INTS6: variants seen among roughly 807,000 people sequenced by gnomAD.
INTS6 encodes DEAD box protein.
INTS6 carries 16 observed loss-of-function variants against 104.9 expected under a neutral mutation model. The observed-to-expected ratio is 0.15, with a 90% CI of 0.10 to 0.23. The LOEUF is 0.23. Among genes scored for constraint, INTS6 ranks in the 10% least tolerant of loss-of-function variants. The pLI is 1.00. For synonymous variants in INTS6, 324 were observed against 358.7 expected (o/e 0.90, Z 1.09); for missense variants, 584 against 1,062.8 (o/e 0.55, Z 6.26).
Position 51,367,873 on chromosome 13 carries a change from C to T in INTS6, c.2502G>A (p.Leu834=), listed in dbSNP as rs752372643. ...GRKYERIFTL[L]KHVQGSLQTR... ...TTTGTAAACTGCCTTGCACATGCTT[C>T]AGTAAAGTGAAGATTCTTTCATATT... is the stretch of plus-strand genomic sequence containing the variant. The change falls in exon 17 of 18, where the codon CTG becomes CTA. Residue 834 remains leucine (L), a synonymous_variant. Transcript: ENST00000311234. 2.5e-6 allele frequency: 4 copies of T among 1,582,762 alleles called. No individual in the cohort carries two copies. The highest frequency in any genetic ancestry group is 3.4e-6 in the Non-Finnish European group (4 of 1,167,520).
intron 10 of INTS6, among the ~76,000 whole-genome samples, chr13:51,379,804 A>G (rs1199512639): frequency 1.3e-5 from 2 of 152,106 alleles, no homozygotes; most frequent in African/African-American, 4.8e-5. Context: ...GACAAGAAGG[A>G]TAAGATACTG....
chr13:51,438,281 A>C (rs978630529), intron 3 of INTS6: 5 of 152,146 alleles, frequency 3.3e-5, no homozygotes, highest in African/African-American at 1.2e-4. Context: ...ATAGATTTAA[A>C]ATTTTCAAAG....
the INTS6 span, chr13:51,340,976 C>G: frequency 8.1e-7 from 1 of 1,241,088 alleles, no homozygotes; most frequent in Non-Finnish European, 1.1e-6. Context: ...GTCCCTAGCC[C>G]CTAAAAACAG....
chr13:51,414,869 C>CACACACACACACAG (rs139817301), intron 4 of INTS6, among the ~76,000 whole-genome samples: 1 of 150,590 alleles, frequency 6.6e-6, no homozygotes, highest in African/African-American at 2.4e-5. Flanking sequence ...CACACACACA[C>CACACACACACACAG]AGTTCTAAGA....
chr13:51,335,197 A>G, the INTS6 span, among the ~76,000 whole-genome samples: 2 of 152,272 alleles, frequency 1.3e-5, no homozygotes, highest in Admixed American at 1.3e-4. Flanking sequence ...TCAACAAAAG[A>G]CATCATGAAG....
intron 4 of INTS6, among the ~76,000 whole-genome samples, chr13:51,400,779 A>G (rs2137988493): frequency 6.6e-6 from 1 of 152,302 alleles, no homozygotes; most frequent in Middle Eastern, 3.4e-3. Context: ...ATGACTATAA[A>G]TCAAATTTGC....
rs766915999 is a variant in INTS6 at position 51,451,960 on chromosome 13, G to C, written c.189+18C>G. 6.3e-7 allele frequency: 1 copy of C among 1,589,268 alleles called. No homozygotes were observed. On this transcript the variant is annotated intron_variant, in intron 2 of 17. Transcript: ENST00000311234. ...CAGGGAAGGGAAGGGAGGAAAGGGG[G>C]AGGGCGAGGGCTGTTACCTTGATAG... is the stretch of plus-strand genomic sequence containing the variant.
At chr13:51,377,791 T>C (rs1203187315) in intron 12 of INTS6, among the ~76,000 whole-genome samples, 1 of 152,102 alleles carries the variant, frequency 6.6e-6, no homozygotes, top group Admixed American at 6.5e-5. Context: ...TTTTGGCTAT[T>C]CCAGGACCTT....
chr13:51,448,937 A>C (rs1952979523), intron 3 of INTS6: 1 of 152,354 alleles, frequency 6.6e-6, no homozygotes, highest in South Asian at 2.1e-4. Flanking sequence ...ACTTTTACAA[A>C]GAAGAAAACA....
At position 51,389,461 on chromosome 13, in the gene INTS6, G is replaced by A. The variant is rs773745687; in HGVS notation, c.614-17C>T. 5.2e-6 allele frequency: 7 copies of A among 1,341,910 alleles called. No individual in the cohort carries two copies. Among genetic ancestry groups the A allele is most frequent in the South Asian group, 1.5e-5 (1 of 66,018 alleles). 83.1% of individuals were successfully genotyped at this position (1,341,910 alleles called of 1,614,324 possible). A position where few individuals can be genotyped will look rare whatever the true frequency, so the allele number is the denominator to read the frequency against. The stretch of plus-strand genomic sequence containing the variant: ...ATGAACGGCCTGAGATTAAAAAAAA[G>A]AAGAAGAAGAAGAAGAAGAATATAG... On this transcript the variant is annotated splice_polypyrimidine_tract_variant and intron_variant, in intron 5 of 17. Coordinates refer to ENST00000311234, the MANE Select transcript of INTS6 (RefSeq NM_012141.3).
intron 3 of INTS6, among the ~76,000 whole-genome samples, chr13:51,434,151 T>C (rs1249469712): frequency 6.6e-6 from 1 of 152,194 alleles, no homozygotes; most frequent in Non-Finnish European, 1.5e-5. Context: ...TTGTTTTTAA[T>C]ATATCCTTTC....
chr13:51,376,062 T>G lies in INTS6; in HGVS notation c.1715A>C (p.Lys572Thr). Residue 572 changes from lysine to threonine, a missense_variant, in exon 13 of 18, where the codon AAA (lysine) becomes ACA (threonine). This residue lies in a region of INTS6 where 296 missense variants were observed against 437.0 expected (regional missense o/e 0.68). Coordinates refer to ENST00000311234, the MANE Select transcript of INTS6 (RefSeq NM_012141.3). ...NLLKSTRRFL[K>T]GQDEDQVHSV... ...TATGTTCTAACCTTCGTCCTGTCCT[T>G]TCAGAAATCTGCGAGTGCTCTTCAA... is the stretch of plus-strand genomic sequence containing the variant. The G allele has an allele frequency of 6.2e-7, 1 of 1,609,578 alleles. No homozygotes were observed. Among genetic ancestry groups the G allele is most frequent in the Non-Finnish European group, 8.5e-7 (1 of 1,178,704 alleles).
chr13:51,426,416 C>A (rs1438062545), intron 4 of INTS6, among the ~76,000 whole-genome samples: 1 of 151,998 alleles, frequency 6.6e-6, no homozygotes, highest in East Asian at 1.9e-4. Context: ...TTCACAGATA[C>A]AAGGTAGGAG....
In INTS6 at chr13:51,363,250, C is replaced by T. The variant is rs1057032072; in HGVS notation, c.*2502G>A. The T allele has an allele frequency of 3.3e-5, 5 of 151,926 alleles. No homozygotes were observed. The highest frequency in any genetic ancestry group is 7.2e-5 in the African/African-American group (3 of 41,382). 9.4% of individuals were successfully genotyped at this position (151,926 alleles called of 1,614,324 possible). On this transcript the variant is annotated 3_prime_UTR_variant, in exon 18 of 18. Coordinates refer to ENST00000311234, the MANE Select transcript of INTS6 (RefSeq NM_012141.3). Reference sequence around the variant, plus strand: ...ATTTCAATGGTAGGAGTTTTCAGAACTGCCTCAGTAATCAGAATGAAAATA... The same window carrying T: ...ATTTCAATGGTAGGAGTTTTCAGAATTGCCTCAGTAATCAGAATGAAAATA...
Position 51,452,832 on chromosome 13 carries a change from C to T in INTS6, c.-307G>A. The stretch of plus-strand genomic sequence containing the variant: ...CCCCCCGCCTCGGGGGTCCCGTCCC[C>T]GCTCCCGGCCCCTGTGTGTGTCCCA... On this transcript the variant is annotated 5_prime_UTR_variant, in exon 1 of 18. Transcript: ENST00000311234. The surrounding 1 kb of genome is among the most constrained non-coding windows in gnomAD (Gnocchi z 4.2). 8 of 1,164,170 alleles carry T rather than the reference C, an allele frequency of 6.9e-6. No individual in the cohort carries two copies. The highest frequency in any genetic ancestry group is 6.4e-6 in the Non-Finnish European group (6 of 936,906). The allele number at this position is 1,164,170 out of a possible 1,614,324, so 72.1% of individuals were successfully genotyped here. A position where few individuals can be genotyped will look rare whatever the true frequency, so the allele number is the denominator to read the frequency against.
At chr13:51,439,201 T>C (rs1044444323) in intron 3 of INTS6, 2 of 152,204 alleles carry the variant, frequency 1.3e-5, no homozygotes, top group African/African-American at 4.8e-5. Context: ...TAAAGTTTTA[T>C]AGAAAATATA....
At chr13:51,414,152 G>A (rs1046337332) in intron 4 of INTS6, among the ~76,000 whole-genome samples, 1 of 152,148 alleles carries the variant, frequency 6.6e-6, no homozygotes, top group Non-Finnish European at 1.5e-5. Flanking sequence ...TGTATGATGT[G>A]CTGTGAAACC....
chr13:51,411,379 C>A (rs1404323958), intron 4 of INTS6, among the ~76,000 whole-genome samples: 3 of 151,052 alleles, frequency 2.0e-5, no homozygotes, highest in Non-Finnish European at 4.4e-5. Flanking sequence ...CATGGTGAAA[C>A]CCGTCTCTAC....
At chr13:51,435,015 CTAAG>C (rs989310681) in intron 3 of INTS6, among the ~76,000 whole-genome samples, 18 of 151,870 alleles carry the variant, frequency 1.2e-4, no homozygotes, top group Non-Finnish European at 1.9e-4. Flanking sequence ...ATTGTTATTC[CTAAG>C]TAAGTATGTT....
Sources: allele counts gnomAD v4.1 joint callset (sites outside exome capture counted in the v4.1 genomes callset), GRCh38; gene constraint gnomAD v4.1.1; regional missense constraint gnomAD v4.1.1; non-coding constraint Gnocchi (gnomAD v3.1); transcripts MANE v1.5; gene names NCBI Gene and HGNC (gene_info 2026-07-23, HGNC 2026-07-21).